The following ACP6 variants were observed in gnomAD, a reference collection of about 807,000 sequenced individuals.
The protein encoded by ACP6 is lysophosphatidic acid phosphatase type 6.
ACP6 carries 48 observed loss-of-function variants against 48.1 expected under a neutral mutation model. The observed-to-expected ratio is 1.00, with a 90% CI of 0.79 to 1.27. The LOEUF (loss-of-function observed/expected upper bound fraction) is 1.27. Among genes scored for constraint, ACP6 ranks in the 50% most tolerant of loss-of-function variants. The pLI is 0.00. For synonymous variants in ACP6, 172 were observed against 204.2 expected (o/e 0.84, Z 1.34); for missense variants, 485 against 529.1 (o/e 0.92, Z 0.82).
intron 6 of ACP6, among the ~76,000 whole-genome samples, chr1:147,653,430 G>C (rs1483851835): frequency 1.9e-5 from 2 of 104,804 alleles, no homozygotes; most frequent in Non-Finnish European, 3.8e-5. Context: ...TGCCTGGCCT[G>C]TATTTTTTAA....
intron 1 of ACP6, among the ~76,000 whole-genome samples, chr1:147,660,818 T>C (rs1032282544): frequency 2.0e-5 from 3 of 152,270 alleles, no homozygotes; most frequent in African/African-American, 7.2e-5. Flanking sequence ...TGTGATGTTT[T>C]CATATATATT....
rs530452676 is a variant in ACP6, at chr1:147,647,524, C to T, written c.1186G>A (p.Asp396Asn). The change falls in exon 10 of 10, where the codon GAC (aspartate) becomes AAC (asparagine). Residue 396 changes from aspartate (D) to asparagine (N), a missense_variant. Physicochemically the swap from Asp to Asn is conservative, Grantham distance 23. Coordinates refer to ENST00000583509, the MANE Select transcript of ACP6 (RefSeq NM_016361.5). ...RGCPDGLCPL[D>N]MFLNAMSVYT... ...ACTGACATGGCATTCAAGAACATGTCCAGCGGGCAGAGCCCATCAGGGCAA... is the reference window on the plus strand; with the variant it reads ...ACTGACATGGCATTCAAGAACATGTTCAGCGGGCAGAGCCCATCAGGGCAA... 5.0e-6 allele frequency: 8 copies of T among 1,613,976 alleles called. No individual in the cohort carries two copies. In the Admixed American group the frequency reaches 5.0e-5, roughly 10 times the overall value.
chr1:147,666,765 A>G (rs150225624), intron 1 of ACP6, among the ~76,000 whole-genome samples: 20 of 152,334 alleles, frequency 1.3e-4, no homozygotes, highest in African/African-American at 4.8e-4. Context: ...AGTTGACTCC[A>G]ATGTTCACCA....
chr1:147,655,895 G>T (rs1405808757), intron 4 of ACP6, among the ~76,000 whole-genome samples: 1 of 152,116 alleles, frequency 6.6e-6, no homozygotes, highest in Non-Finnish European at 1.5e-5. Flanking sequence ...AATGCCCAAA[G>T]AAAGTGTCCT....
In ACP6 at chr1:147,654,207, A is replaced by G; in HGVS notation, c.767T>C (p.Val256Ala). 5.0e-6 allele frequency: 8 copies of G among 1,614,128 alleles called. No homozygotes were observed. Among genetic ancestry groups the G allele is most frequent in the Non-Finnish European group, 6.8e-6 (8 of 1,180,006 alleles). Residue 256 changes from valine to alanine, a missense_variant, in exon 6 of 10, where the codon GTG becomes GCG. Transcript: ENST00000583509. ...CCCAGGACTCACCTGCTCGGCAGCC[A>G]CGTTGTCCAGGAGGATGAAGAAGTC... ...KVDFFILLDN[V>A]AAEQAHNLPS...
chr1:147,654,206 C>A lies in ACP6; in HGVS notation c.768G>T (p.Val256=). ...CCCCAGGACTCACCTGCTCGGCAGCCACGTTGTCCAGGAGGATGAAGAAGT... is the reference window on the plus strand; with the variant it reads ...CCCCAGGACTCACCTGCTCGGCAGCAACGTTGTCCAGGAGGATGAAGAAGT... ...KVDFFILLDN[V]AAEQAHNLPS... is the part of the protein sequence containing the mutation. Residue 256 remains valine (V), a synonymous_variant, in exon 6 of 10, where the codon GTG becomes GTT. Transcript: ENST00000583509. The A allele has an allele frequency of 6.2e-7, 1 of 1,614,124 alleles. No individual in the cohort carries two copies. The highest frequency in any genetic ancestry group is 8.5e-7 in the Non-Finnish European group (1 of 1,179,990).
At chr1:147,659,823 A>G (rs782721758) in intron 1 of ACP6, 48 bp from the exon 2 acceptor site, 6 of 1,599,630 alleles carry the variant, frequency 3.8e-6, no homozygotes, top group Non-Finnish European at 5.1e-6. Flanking sequence ...ATGGTTCTTG[A>G]AATGTATAGC....
chr1:147,659,322 T>C (rs1553212257), intron 3 of ACP6, 74 bp downstream of exon 3: 10 of 1,564,544 alleles, frequency 6.4e-6, no homozygotes, highest in East Asian at 2.2e-5. Flanking sequence ...GGGAACCATC[T>C]TGGGGAGTCA....
chr1:147,658,908 G>A (rs1660388499), intron 4 of ACP6, 52 bp downstream of exon 4: 1 of 1,501,224 alleles, frequency 6.7e-7, no homozygotes, highest in Non-Finnish European at 9.0e-7. Context: ...CTTCGGAAGT[G>A]AGAAGCAAGA....
rs2148902089 is a variant in ACP6, at chr1:147,647,473, G to T, written c.1237C>A (p.His413Asn). Reference protein sequence around the residue: ...SVYTLSPEKYHALCSQTQVME... With the variant: ...SVYTLSPEKYNALCSQTQVME... ...ACCTGAGTTTGAGAGCAGAGTGCGT[G>T]GTATTTTTCTGGGCTTAAGGTATAA... Residue 413 changes from histidine to asparagine, a missense_variant, in exon 10 of 10, where the codon CAC becomes AAC. His to Asn is a moderately conservative substitution (Grantham distance 68, BLOSUM62 1). Coordinates refer to ENST00000583509, the MANE Select transcript of ACP6 (RefSeq NM_016361.5). The T allele has an allele frequency of 6.2e-7, 1 of 1,614,144 alleles. No homozygotes were observed. The highest frequency in any genetic ancestry group is 1.1e-5 in the South Asian group (1 of 91,088).
chr1:147,657,523 C>T (rs587662800), intron 4 of ACP6, among the ~76,000 whole-genome samples: 7 of 152,238 alleles, frequency 4.6e-5, no homozygotes, highest in African/African-American at 9.6e-5. Context: ...CGAGTTCAAA[C>T]GATTCTCCTG....
intron 5 of ACP6, among the ~76,000 whole-genome samples, chr1:147,635,570 T>C (rs1659275577): frequency 6.6e-6 from 1 of 152,166 alleles, no homozygotes; most frequent in Non-Finnish European, 1.5e-5. Flanking sequence ...GAGTAAAAAT[T>C]AGGGAAGTTG....
downstream of ACP6, among the ~76,000 whole-genome samples, chr1:147,640,247 TG>T (rs1450820912): frequency 6.6e-6 from 1 of 152,032 alleles, no homozygotes; most frequent in Non-Finnish European, 1.5e-5. Context: ...CCCAGGAAAG[TG>T]GTAAAACTGG....
At chr1:147,660,485 T>C (rs966619309) in intron 1 of ACP6, among the ~76,000 whole-genome samples, 1 of 152,186 alleles carries the variant, frequency 6.6e-6, no homozygotes, top group Non-Finnish European at 1.5e-5. Context: ...CCCAATCTAC[T>C]ATGTCCCTCT....
chr1:147,632,892 A>G (rs1659207531), intron 5 of ACP6, among the ~76,000 whole-genome samples: 2 of 152,130 alleles, frequency 1.3e-5, no homozygotes, highest in South Asian at 4.1e-4. Flanking sequence ...ACAGCTGTGA[A>G]GGAAGAACCC....
intron 1 of ACP6, among the ~76,000 whole-genome samples, chr1:147,663,416 T>C (rs1314608482): frequency 2.0e-5 from 3 of 152,184 alleles, no homozygotes; most frequent in African/African-American, 7.2e-5. Context: ...TAATAATGCA[T>C]TGTATGTTTC....
In ACP6 at chr1:147,670,275, T is replaced by A. The variant is rs1661032223; in HGVS notation, c.-227A>T. The A allele has an allele frequency of 2.1e-6, 1 of 481,978 alleles. No homozygotes were observed. Among genetic ancestry groups the A allele is most frequent in the Admixed American group, 3.6e-5 (1 of 28,066 alleles). The allele number at this position is 481,978 out of a possible 1,614,324, so 29.9% of individuals were successfully genotyped here. A position where few individuals can be genotyped will look rare whatever the true frequency, so the allele number is the denominator to read the frequency against. On this transcript the variant is annotated 5_prime_UTR_variant, in exon 1 of 10. Transcript: ENST00000583509. ...GGCAGCAGCGAAGAGTCCCTGGGAGTTTTAACCCGGGTCGGGGTTGGTCGC... is the reference window on the plus strand; with the variant it reads ...GGCAGCAGCGAAGAGTCCCTGGGAGATTTAACCCGGGTCGGGGTTGGTCGC...
chr1:147,657,704 C>A (rs1466465261), intron 4 of ACP6, among the ~76,000 whole-genome samples: 3 of 152,288 alleles, frequency 2.0e-5, no homozygotes, highest in South Asian at 2.1e-4. Context: ...CAAGCGTGAA[C>A]TACTGTGCCT....
downstream of ACP6, among the ~76,000 whole-genome samples, chr1:147,637,576 T>G (rs1281098650): frequency 6.6e-6 from 1 of 152,202 alleles, no homozygotes; most frequent in Non-Finnish European, 1.5e-5. Context: ...TGCTCTGAAC[T>G]GTGCAGGATG....
Sources: allele counts gnomAD v4.1 joint callset (sites outside exome capture counted in the v4.1 genomes callset), GRCh38; gene constraint gnomAD v4.1.1; transcripts MANE v1.5; gene names NCBI Gene and HGNC (gene_info 2026-07-23, HGNC 2026-07-21).